Variants in DYNC2H1 observed in about 807,000 individuals in gnomAD.
DYNC2H1 encodes dynein cytoplasmic 2 heavy chain 1, also known as cytoplasmic dynein 2 heavy chain 1.
In DYNC2H1, 410 loss-of-function variants were observed where a neutral mutation model predicts 570.0. The ratio of observed to expected loss-of-function variants is 0.72; its 90% CI spans 0.66 to 0.78. The LOEUF (loss-of-function observed/expected upper bound fraction) is 0.78, where lower values mean the gene tolerates loss of function less well. Among genes scored for constraint, DYNC2H1 ranks in the 30% least tolerant of loss-of-function variants. DYNC2H1 has a pLI of 0.00. For missense variants in DYNC2H1, 4,865 were observed against 5,046.4 expected (o/e 0.96, Z 1.09); for synonymous variants, 1,688 against 1,677.6 (o/e 1.01, Z -0.15).
chr11:103,155,406 C>T lies in DYNC2H1; in HGVS notation c.3649C>T (p.Leu1217Phe). Residue 1217 changes from leucine (L) to phenylalanine (F), a missense_variant, in exon 25 of 89, where the codon CTT becomes TTT. This residue lies in a region of DYNC2H1 where 1,936 missense variants were observed against 1,962.1 expected (regional missense o/e 0.99). Transcript: ENST00000375735. ...TCACTGGCTTGACCTTTTTCGTCTC[C>T]TTGGACTTCCTAGGGGGACTAGTCT... ...PDHWLDLFRL[L>F]GLPRGTSLEK... 6.2e-7 allele frequency: 1 copy of T among 1,611,286 alleles called. No individual in the cohort carries two copies. The highest frequency in any genetic ancestry group is 1.3e-5 in the African/African-American group (1 of 74,748).
chr11:103,393,808 C>T (rs1041996694), intron 83 of DYNC2H1, among the ~76,000 whole-genome samples: 2 of 152,110 alleles, frequency 1.3e-5, no homozygotes, highest in South Asian at 2.1e-4. Flanking sequence ...ACAGTCATGG[C>T]GGAAGGCGAG....
intron 88 of DYNC2H1, among the ~76,000 whole-genome samples, chr11:103,470,909 A>G (rs1332682313): frequency 6.6e-6 from 1 of 152,180 alleles, no homozygotes; most frequent in Non-Finnish European, 1.5e-5. Flanking sequence ...AGCATGATTT[A>G]TAATCCTTTG....
rs988920985 is a variant in DYNC2H1, at chr11:103,186,151, G to T, written c.6634-91G>T. On this transcript the variant is annotated intron_variant, in intron 41 of 88. Coordinates refer to ENST00000375735, the MANE Select transcript of DYNC2H1 (RefSeq NM_001377.3). This position sits in a 1 kb window ranked among gnomAD's most constrained non-coding sequence, Gnocchi z 4.5. The stretch of plus-strand genomic sequence containing the variant: ...TGTAAAGTTTTCTTGGAACTAAGAT[G>T]ATTTACTTTTGGGATATTTACTTGG... The T allele has an allele frequency of 4.7e-6, 6 of 1,275,734 alleles. No homozygotes were observed. The highest frequency in any genetic ancestry group is 6.4e-6 in the Non-Finnish European group (6 of 940,756). 79.0% of individuals were successfully genotyped at this position (1,275,734 alleles called of 1,614,324 possible).
chr11:103,304,832 T>A, intron 77 of DYNC2H1, 112 bp downstream of exon 77: 8 of 1,106,636 alleles, frequency 7.2e-6, no homozygotes, highest in Non-Finnish European at 9.4e-6. Context: ...AAAAGTAATA[T>A]TTGAGAAATT....
chr11:103,240,085 A>G (rs1185154362), intron 63 of DYNC2H1, among the ~76,000 whole-genome samples: 1 of 152,136 alleles, frequency 6.6e-6, no homozygotes, highest in East Asian at 1.9e-4. Flanking sequence ...GGAAAAAACT[A>G]GCAATTTATG....
chr11:103,175,383 G>T (rs1861759945), intron 36 of DYNC2H1, among the ~76,000 whole-genome samples: 1 of 152,136 alleles, frequency 6.6e-6, no homozygotes, highest in African/African-American at 2.4e-5. Flanking sequence ...TTTTTTAATT[G>T]TCTATATTTG....
chr11:103,122,641 G>A (rs769535495), intron 10 of DYNC2H1, among the ~76,000 whole-genome samples, 184 bp from the exon 11 acceptor site: 11 of 152,184 alleles, frequency 7.2e-5, no homozygotes, highest in Admixed American at 4.6e-4. Flanking sequence ...TTCTGCGGCT[G>A]TATAATTCAG....
At chr11:103,287,508 A>AAAATATTCTGCATTTTATTTTAAG in intron 74 of DYNC2H1, 25 bp from the exon 75 acceptor site, 2 of 1,580,650 alleles carry the variant, frequency 1.3e-6, no homozygotes, top group Non-Finnish European at 1.7e-6. Flanking sequence ...TTATTCTTTA[A>AAAATATTCTGCATTTTATTTTAAG]AAATATTCTG....
At chr11:103,136,873 C>T (rs1391992456) in intron 17 of DYNC2H1, among the ~76,000 whole-genome samples, 1 of 152,094 alleles carries the variant, frequency 6.6e-6, no homozygotes, top group African/African-American at 2.4e-5. Flanking sequence ...TTCTCCACAT[C>T]CTCTCCAGCA....
intron 63 of DYNC2H1, among the ~76,000 whole-genome samples, chr11:103,237,013 A>C (rs993339480): frequency 1.3e-5 from 2 of 152,036 alleles, no homozygotes; most frequent in African/African-American, 4.8e-5. Context: ...ACATTTTCCA[A>C]AGCTATTTAA....
At chr11:103,365,947 G>C (rs1371447842) in intron 83 of DYNC2H1, among the ~76,000 whole-genome samples, 2 of 152,202 alleles carry the variant, frequency 1.3e-5, no homozygotes, top group Non-Finnish European at 2.9e-5. Flanking sequence ...AGTTTTGAAT[G>C]CAGGACAATA....
intron 83 of DYNC2H1, among the ~76,000 whole-genome samples, chr11:103,372,702 T>G (rs1941222242): frequency 6.6e-6 from 1 of 152,066 alleles, no homozygotes; most frequent in Non-Finnish European, 1.5e-5. Flanking sequence ...TTTGCTGTGT[T>G]TTTTCTTTGC....
At chr11:103,285,516 G>T (rs181967939) in intron 73 of DYNC2H1, among the ~76,000 whole-genome samples, 7 of 146,282 alleles carry the variant, frequency 4.8e-5, no homozygotes, top group African/African-American at 1.8e-4. Flanking sequence ...TCTGCCTCCC[G>T]AGTTCAAGTG....
chr11:103,359,153 G>A (rs1355621859), intron 83 of DYNC2H1, among the ~76,000 whole-genome samples: 1 of 152,170 alleles, frequency 6.6e-6, no homozygotes, highest in Non-Finnish European at 1.5e-5. Context: ...AATTTGCAAA[G>A]TCCATGTTGT....
At chr11:103,302,980 T>C (rs1269844344) in intron 75 of DYNC2H1, 113 bp from the exon 76 acceptor site, 14 of 751,166 alleles carry the variant, frequency 1.9e-5, no homozygotes, top group Non-Finnish European at 2.6e-5. Context: ...TAATGTATTA[T>C]GAGATTACAA....
At chr11:103,374,249 G>A (rs1037404473) in intron 83 of DYNC2H1, among the ~76,000 whole-genome samples, 1 of 152,072 alleles carries the variant, frequency 6.6e-6, no homozygotes, top group African/African-American at 2.4e-5. Flanking sequence ...AATCATGGGG[G>A]GTGGTTTTCT....
At chr11:103,134,787 T>C (rs1341155369) in intron 15 of DYNC2H1, among the ~76,000 whole-genome samples, 1 of 152,096 alleles carries the variant, frequency 6.6e-6, no homozygotes, top group Non-Finnish European at 1.5e-5. Context: ...GGAATAATTT[T>C]ATTCCAGATT....
At chr11:103,158,199 G>A (rs1289128411) in intron 26 of DYNC2H1, among the ~76,000 whole-genome samples, 1 of 152,252 alleles carries the variant, frequency 6.6e-6, no homozygotes, top group Non-Finnish European at 1.5e-5. Context: ...TGTAATCCCA[G>A]CACTTTGGGA....
In DYNC2H1 at chr11:103,472,759, G is replaced by T. The variant is rs1241760718; in HGVS notation, c.12765+4054G>T. 6.6e-6 allele frequency among the ~76,000 whole-genome samples: 1 copy of T among 151,992 alleles called. No homozygotes were observed. The highest frequency in any genetic ancestry group is 2.4e-5 in the African/African-American group (1 of 41,378). The stretch of plus-strand genomic sequence containing the variant: ...TCTCCATTTTAAAGTAGAAAATGGA[G>T]GTTTAAAAGATTATGTATTATTATA... On this transcript the variant is annotated intron_variant, in intron 88 of 88. Coordinates refer to ENST00000375735, the MANE Select transcript of DYNC2H1 (RefSeq NM_001377.3). The surrounding 1 kb of genome is among the most constrained non-coding windows in gnomAD (Gnocchi z 4.1).
Sources: allele counts gnomAD v4.1 joint callset (sites outside exome capture counted in the v4.1 genomes callset), GRCh38; gene constraint gnomAD v4.1.1; regional missense constraint gnomAD v4.1.1; non-coding constraint Gnocchi (gnomAD v3.1); transcripts MANE v1.5; gene names NCBI Gene and HGNC (gene_info 2026-07-23, HGNC 2026-07-21).